RAD51B: variants seen among roughly 807,000 people sequenced by gnomAD.
RAD51B encodes the protein RAD51 paralog B.
In RAD51B, 38 loss-of-function variants were observed where a neutral mutation model predicts 42.2. The observed-to-expected ratio is 0.90, with a 90% confidence interval of 0.70 to 1.18. The LOEUF is 1.18. Among genes scored for constraint, RAD51B ranks in the 50% most tolerant of loss-of-function variants. RAD51B has a pLI of 0.00. For synonymous variants in RAD51B, 154 were observed against 145.2 expected (o/e 1.06, Z -0.43); for missense variants, 373 against 400.7 (o/e 0.93, Z 0.59).
chr14:68,205,697 A>T (rs1231144877), intron 7 of RAD51B, among the ~76,000 whole-genome samples: 1 of 151,924 alleles, frequency 6.6e-6, no homozygotes. Context: ...ACCTTTACCC[A>T]TATTCACCTG....
intron 9 of RAD51B, among the ~76,000 whole-genome samples, chr14:68,443,290 G>C (rs180831189): frequency 6.6e-6 from 1 of 152,066 alleles, no homozygotes; most frequent in African/African-American, 2.4e-5. Flanking sequence ...GCTTCCCATC[G>C]AGTCAGCACA....
intron 11 of RAD51B, among the ~76,000 whole-genome samples, chr14:68,664,657 TC>T (rs1892997197): frequency 6.6e-6 from 1 of 152,172 alleles, no homozygotes; most frequent in Admixed American, 6.5e-5. Context: ...CCAGTGAATC[TC>T]CCACCTACTC....
intron 7 of RAD51B, among the ~76,000 whole-genome samples, chr14:68,090,078 T>A (rs1051681127): frequency 3.9e-5 from 6 of 152,186 alleles, no homozygotes; most frequent in Non-Finnish European, 7.3e-5. Context: ...ATTATTTTCT[T>A]ATTTAAAACC....
intron 7 of RAD51B, among the ~76,000 whole-genome samples, chr14:68,019,529 T>C (rs2075829519): frequency 6.6e-6 from 1 of 152,192 alleles, no homozygotes; most frequent in Non-Finnish European, 1.5e-5. Context: ...TAGATTTTTT[T>C]CAAGCAAATT....
At chr14:68,600,553 G>A (rs1199963010), downstream of RAD51B, among the ~76,000 whole-genome samples, 3 of 152,160 alleles carry the variant, frequency 2.0e-5, no homozygotes, top group African/African-American at 7.2e-5. Flanking sequence ...TAGGTTAACG[G>A]TCCCTACATC....
intron 8 of RAD51B, among the ~76,000 whole-genome samples, chr14:68,335,809 C>A (rs1189909706): frequency 6.6e-6 from 1 of 152,092 alleles, no homozygotes; most frequent in African/African-American, 2.4e-5. Flanking sequence ...CAGAGCCTTC[C>A]CCATGGACAA....
chr14:68,125,302 T>G (rs1034237744), intron 7 of RAD51B: 1 of 152,244 alleles, frequency 6.6e-6, no homozygotes, highest in Admixed American at 6.5e-5. Flanking sequence ...CTTCAGTTGA[T>G]ATTCCTCTCA....
At chr14:68,594,641 CTGA>C in exon 11 of RAD51B, 2 of 1,278,114 alleles carry the variant, frequency 1.6e-6, no homozygotes, top group Non-Finnish European at 2.1e-6. Context: ...GTTGCCCAAG[CTGA>C]TCTCAAACTC....
intron 9 of RAD51B, among the ~76,000 whole-genome samples, chr14:68,419,816 G>T (rs1454197768): frequency 6.6e-6 from 1 of 152,106 alleles, no homozygotes; most frequent in East Asian, 1.9e-4. Context: ...CAGGACAGAG[G>T]GAGGAAGAGA....
At chr14:67,987,094 G>A (rs1595210719) in intron 7 of RAD51B, among the ~76,000 whole-genome samples, 1 of 152,014 alleles carries the variant, frequency 6.6e-6, no homozygotes, top group Non-Finnish European at 1.5e-5. Context: ...TGGGGTACAT[G>A]GTATGTTTTG....
chr14:68,567,718 T>C (rs1418419380), intron 10 of RAD51B, among the ~76,000 whole-genome samples: 1 of 152,268 alleles, frequency 6.6e-6, no homozygotes, highest in African/African-American at 2.4e-5. Context: ...TCACGAAGTC[T>C]TTCCCAGTGA....
chr14:68,464,794 T>A (rs2085932556), intron 9 of RAD51B, among the ~76,000 whole-genome samples: 1 of 152,238 alleles, frequency 6.6e-6, no homozygotes, highest in Admixed American at 6.5e-5. Context: ...GAAATGGAAT[T>A]CATCTGACAT....
chr14:67,952,394 A>G (rs2074469854), intron 7 of RAD51B, among the ~76,000 whole-genome samples: 1 of 152,182 alleles, frequency 6.6e-6, no homozygotes, highest in African/African-American at 2.4e-5. Flanking sequence ...GAACGGACAG[A>G]TATATGGGAA....
chr14:68,098,484 C>T lies in RAD51B; in HGVS notation c.757-193400C>T, dbSNP rs527256784. Reference sequence around the variant, plus strand: ...AGAAAAAGAGGTTTAATTGGACTTACAGTTCTGCATGGCTCGGGAGGCCTA... The same window carrying T: ...AGAAAAAGAGGTTTAATTGGACTTATAGTTCTGCATGGCTCGGGAGGCCTA... On this transcript the variant is annotated intron_variant, in intron 7 of 10. Transcript: ENST00000471583. Among the ~76,000 whole-genome samples, 8 of 152,330 alleles carry T rather than the reference C, an allele frequency of 5.3e-5. No homozygotes were observed. The South Asian group carries it at 1.5e-3, about 28-fold the overall frequency.
At chr14:68,354,224 T>G (rs1566828210) in intron 8 of RAD51B, among the ~76,000 whole-genome samples, 2 of 146,918 alleles carry the variant, frequency 1.4e-5, no homozygotes, top group East Asian at 2.0e-4. Flanking sequence ...TGGTTTTTTT[T>G]TTTTTTTTTT....
chr14:68,434,452 T>G (rs1227251975), intron 9 of RAD51B, among the ~76,000 whole-genome samples: 3 of 152,190 alleles, frequency 2.0e-5, no homozygotes, highest in African/African-American at 7.2e-5. Flanking sequence ...GGCAGGTGCC[T>G]CTCCCCCAGC....
intron 7 of RAD51B, among the ~76,000 whole-genome samples, chr14:67,942,362 T>C (rs952379469): frequency 6.6e-6 from 1 of 152,166 alleles, no homozygotes; most frequent in East Asian, 1.9e-4. Flanking sequence ...TTCTAACAAA[T>C]AAACATATCC....
At chr14:67,936,544 G>T (rs2044960690) in intron 7 of RAD51B, among the ~76,000 whole-genome samples, 1 of 152,134 alleles carries the variant, frequency 6.6e-6, no homozygotes, top group African/African-American at 2.4e-5. Flanking sequence ...TATGAATAAT[G>T]CAGTAATAAG....
chr14:68,475,503 C>G (rs1882498666), intron 10 of RAD51B, among the ~76,000 whole-genome samples: 1 of 152,144 alleles, frequency 6.6e-6, no homozygotes, highest in Non-Finnish European at 1.5e-5. Context: ...TCTTGTTCTG[C>G]CCACCCAAAA....
Sources: gnomAD v4.1 joint callset for allele counts (sites outside exome capture counted in the v4.1 genomes callset) on GRCh38, gnomAD v4.1.1 for gene constraint, MANE v1.5 for transcripts, NCBI Gene and HGNC (gene_info 2026-07-23, HGNC 2026-07-21) for gene names.